The following PARVA variants were observed in gnomAD, a reference collection of about 807,000 sequenced individuals.
PARVA encodes the protein alpha-parvin.
Under a neutral mutation model 52.6 loss-of-function variants are expected in PARVA, and 25 were observed. The ratio of observed to expected loss-of-function variants is 0.48; its 90% CI spans 0.35 to 0.66. The LOEUF (loss-of-function observed/expected upper bound fraction) is 0.66, where lower values mean the gene tolerates loss of function less well. PARVA is among the 30% of genes least tolerant of loss of function. PARVA has a pLI of 0.01. For synonymous variants in PARVA, 185 were observed against 179.1 expected (o/e 1.03, Z -0.26); for missense variants, 373 against 450.9 (o/e 0.83, Z 1.56).
chr11:12,420,979 C>T (rs147636827), intron 1 of PARVA, among the ~76,000 whole-genome samples: 5 of 151,464 alleles, frequency 3.3e-5, no homozygotes, highest in South Asian at 2.1e-4. Context: ...ATCACTCAAA[C>T]GGTGGTCAAC....
At chr11:12,425,928 G>A (rs904816770) in intron 1 of PARVA, among the ~76,000 whole-genome samples, 3 of 152,168 alleles carry the variant, frequency 2.0e-5, no homozygotes, top group Non-Finnish European at 4.4e-5. Flanking sequence ...CCTATTTGGA[G>A]ATAAAGGCAA....
intron 1 of PARVA, among the ~76,000 whole-genome samples, chr11:12,378,146 T>C (rs1042283034): frequency 4.0e-5 from 6 of 151,874 alleles, no homozygotes; most frequent in African/African-American, 1.4e-4. Context: ...TGCGATCCAG[T>C]AGGCCCTGCC....
chr11:12,512,004 C>G (rs180879971), intron 8 of PARVA, among the ~76,000 whole-genome samples: 13 of 152,252 alleles, frequency 8.5e-5, no homozygotes, highest in African/African-American at 3.1e-4. Flanking sequence ...CAGAAAAAAA[C>G]GTTTTGAGCA....
intron 1 of PARVA, among the ~76,000 whole-genome samples, chr11:12,387,310 A>G (rs2134949417): frequency 6.6e-6 from 1 of 152,312 alleles, no homozygotes; most frequent in Admixed American, 6.5e-5. Flanking sequence ...GGCCCTAGGC[A>G]GCATCCTTTC....
Position 12,511,531 on chromosome 11 carries a change from A to G in PARVA, c.734A>G (p.His245Arg). The G allele has an allele frequency of 6.2e-7, 1 of 1,613,412 alleles. No individual in the cohort carries two copies. The part of the protein sequence containing the change: ...TGNTEALSGR[H>R]ERDAFDTLFD... ...TCCTCCAGGGCTCTTTCCGGGAGGC[A>G]TGGTAAGTCACATAAGATTGTCCTC... The change falls in exon 8 of 13, where the codon CAT becomes CGT. Residue 245 changes from histidine to arginine, a missense_variant and splice_region_variant. Physicochemically the swap from His to Arg is conservative, Grantham distance 29. Transcript: ENST00000334956.
At chr11:12,442,641 G>A (rs549592709) in intron 1 of PARVA, among the ~76,000 whole-genome samples, 2 of 151,960 alleles carry the variant, frequency 1.3e-5, no homozygotes, top group Non-Finnish European at 2.9e-5. Context: ...GCTCTTAGGG[G>A]TGCAGCCTAA....
At chr11:12,487,453 C>A (rs907838330) in intron 4 of PARVA, among the ~76,000 whole-genome samples, 1 of 152,176 alleles carries the variant, frequency 6.6e-6, no homozygotes, top group African/African-American at 2.4e-5. Context: ...AACCAATAGC[C>A]ATATGCAGCT....
chr11:12,396,996 TA>T (rs2134960762), intron 1 of PARVA, among the ~76,000 whole-genome samples: 2 of 152,224 alleles, frequency 1.3e-5, no homozygotes, highest in Admixed American at 1.3e-4. Flanking sequence ...TTGTTTTGTT[TA>T]TATACAGCTG....
chr11:12,501,884 T>A (rs947523243), intron 5 of PARVA, among the ~76,000 whole-genome samples: 3 of 104,276 alleles, frequency 2.9e-5, no homozygotes, highest in African/African-American at 1.1e-4. Flanking sequence ...CACCAGGGTA[T>A]AAGAACAACT....
chr11:12,517,664 G>T lies in PARVA; in HGVS notation c.922G>T (p.Val308Leu), dbSNP rs1303443263. Residue 308 changes from valine to leucine, a missense_variant, in exon 11 of 13, where the codon GTG becomes TTG. By Grantham distance (32) the Val-to-Leu change is conservative (BLOSUM62 1). Coordinates refer to ENST00000334956, the MANE Select transcript of PARVA (RefSeq NM_018222.5). ...CATGGGGCTCCTGGAGGGCTACTTT[G>T]TGCCCCTGCACAGCTTCTTCCTGAC... is the stretch of plus-strand genomic sequence containing the variant. Reference protein sequence around the residue: ...LLMGLLEGYFVPLHSFFLTPD... With the variant: ...LLMGLLEGYFLPLHSFFLTPD... 6.2e-7 allele frequency: 1 copy of T among 1,606,032 alleles called. No individual in the cohort carries two copies. Among genetic ancestry groups the T allele is most frequent in the Non-Finnish European group, 8.5e-7 (1 of 1,176,220 alleles).
chr11:12,531,349 G>C lies in PARVA; in HGVS notation c.*3424G>C, dbSNP rs1941769863. 6.6e-6 allele frequency among the ~76,000 whole-genome samples: 1 copy of C among 152,134 alleles called. No individual in the cohort carries two copies. The highest frequency in any genetic ancestry group is 2.4e-5 in the African/African-American group (1 of 41,414). On this transcript the variant is annotated 3_prime_UTR_variant, in exon 13 of 13. Transcript: ENST00000334956. Reference sequence around the variant, plus strand: ...GCTTGCATTATCATCAGTTTGTTTTGTTGTGGGTTGCTTGGTTAACCCTAC... The same window carrying C: ...GCTTGCATTATCATCAGTTTGTTTTCTTGTGGGTTGCTTGGTTAACCCTAC...
intron 1 of PARVA, among the ~76,000 whole-genome samples, chr11:12,441,435 A>G (rs960204370): frequency 3.3e-5 from 5 of 152,072 alleles, no homozygotes; most frequent in Non-Finnish European, 5.9e-5. Flanking sequence ...TTAATTGACC[A>G]AGAGAAGACC....
rs889462928 is a variant in PARVA, at chr11:12,418,568, C to G, written c.136+40785C>G. 3.3e-5 allele frequency among the ~76,000 whole-genome samples: 5 copies of G among 152,152 alleles called. 1 individual carries two copies. The highest frequency in any genetic ancestry group is 7.4e-5 in the Non-Finnish European group (5 of 68,022). On this transcript the variant is annotated intron_variant, in intron 1 of 12. Transcript: ENST00000334956. ...TCAGCGTGCCTGCCACAGCCTCCCC[C>G]ACCCAGTTCATGGTCTGGGCCAGCG...
At chr11:12,421,016 C>CTT (rs10622434) in intron 1 of PARVA, among the ~76,000 whole-genome samples, 42,717 of 142,028 alleles carry the variant, frequency 0.3, 6,793 homozygotes, top group Non-Finnish European at 0.37. Flanking sequence ...CATGTTAGGA[C>CTT]TTTTTTTTTT....
chr11:12,522,196 A>G (rs1261641309), intron 12 of PARVA, among the ~76,000 whole-genome samples: 1 of 152,214 alleles, frequency 6.6e-6, no homozygotes, highest in Non-Finnish European at 1.5e-5. Context: ...TAGACTAGCT[A>G]CATAAATTGA....
intron 1 of PARVA, among the ~76,000 whole-genome samples, chr11:12,446,704 A>G (rs1270890739): frequency 4.6e-5 from 7 of 152,196 alleles, no homozygotes; most frequent in African/African-American, 1.7e-4. Flanking sequence ...AGCAGTAATG[A>G]TTGTCATCAT....
At chr11:12,514,632 C>A (rs1460450910) in intron 10 of PARVA, among the ~76,000 whole-genome samples, 1 of 152,208 alleles carries the variant, frequency 6.6e-6, no homozygotes, top group Non-Finnish European at 1.5e-5. Flanking sequence ...GGATTACAGG[C>A]ATGCGCCACC....
At position 12,531,606 on chromosome 11, in the gene PARVA, G is replaced by A. The variant is rs1298264645; in HGVS notation, c.*3681G>A. ...TGAAACAGTTTTGCCGTGCCTAAGT[G>A]GAGGCTGATCAAAACTAATTTGAGA... On this transcript the variant is annotated 3_prime_UTR_variant, in exon 13 of 13. Transcript: ENST00000334956. Among the ~76,000 whole-genome samples the A allele has an allele frequency of 6.6e-6, 1 of 151,848 alleles. No individual in the cohort carries two copies. Among genetic ancestry groups the A allele is most frequent in the Non-Finnish European group, 1.5e-5 (1 of 67,982 alleles).
intron 5 of PARVA, among the ~76,000 whole-genome samples, chr11:12,498,344 G>T (rs927065309): frequency 6.6e-6 from 1 of 151,948 alleles, no homozygotes; most frequent in Non-Finnish European, 1.5e-5. Flanking sequence ...CCTAGAACAG[G>T]GTCTTTTAAA....
Sources: allele counts gnomAD v4.1 joint callset (sites outside exome capture counted in the v4.1 genomes callset), GRCh38; gene constraint gnomAD v4.1.1; transcripts MANE v1.5; gene names NCBI Gene and HGNC (gene_info 2026-07-23, HGNC 2026-07-21).